ALKBH8: variants seen among roughly 807,000 people sequenced by gnomAD.
ALKBH8 encodes alkB homolog 8, tRNA methyltransferase.
In ALKBH8, 36 loss-of-function variants were observed where a neutral mutation model predicts 59.8. The ratio of observed to expected loss-of-function variants is 0.60; its 90% CI spans 0.46 to 0.79. ALKBH8 has a LOEUF of 0.79. ALKBH8 is among the 30% of genes least tolerant of loss of function. The probability of loss-of-function intolerance (pLI) is 0.00; values close to 1 mark genes in which losing one functional copy is unlikely to be tolerated. For missense variants in ALKBH8, 768 were observed against 801.0 expected, an observed-to-expected ratio of 0.96 and a Z score of 0.50; for synonymous variants, 276 against 273.6, an observed-to-expected ratio of 1.01 and a Z score of -0.09.
intron 7 of ALKBH8, among the ~76,000 whole-genome samples, chr11:107,548,091 G>A (rs1038536553): frequency 6.6e-6 from 1 of 152,160 alleles, no homozygotes; most frequent in African/African-American, 2.4e-5. Context: ...CAACTCTCCT[G>A]AAAACAAGGA....
intron 6 of ALKBH8, among the ~76,000 whole-genome samples, chr11:107,550,824 G>C (rs1476451572): frequency 2.6e-5 from 4 of 152,156 alleles, no homozygotes; most frequent in African/African-American, 4.8e-5. Flanking sequence ...ACAGAGAAAA[G>C]GACATGTGAG....
chr11:107,515,665 T>C (rs1482215136), intron 10 of ALKBH8, among the ~76,000 whole-genome samples: 1 of 152,196 alleles, frequency 6.6e-6, no homozygotes. Context: ...CCTATACTTT[T>C]ATATAATTTT....
At chr11:107,540,104 T>C (rs1863977462) in intron 7 of ALKBH8, among the ~76,000 whole-genome samples, 1 of 152,036 alleles carries the variant, frequency 6.6e-6, no homozygotes, top group African/African-American at 2.4e-5. Flanking sequence ...AGAACATCGT[T>C]TGCCTCTCTG....
chr11:107,520,469 C>T (rs968546343), intron 10 of ALKBH8, among the ~76,000 whole-genome samples: 8 of 152,036 alleles, frequency 5.3e-5, no homozygotes, highest in South Asian at 2.1e-4. Context: ...TATTTGATTT[C>T]GACCTAGTTT....
At chr11:107,536,377 C>G (rs1565333197) in intron 7 of ALKBH8, among the ~76,000 whole-genome samples, 1 of 151,834 alleles carries the variant, frequency 6.6e-6, no homozygotes, top group Non-Finnish European at 1.5e-5. Context: ...CCTGTGTTAG[C>G]CAACTGCTTA....
chr11:107,522,509 T>G lies in ALKBH8; in HGVS notation c.1077A>C (p.Ser359=). The change falls in exon 10 of 12, where the codon TCA becomes TCC. Residue 359 remains serine, a synonymous_variant. Coordinates refer to ENST00000428149, the MANE Select transcript of ALKBH8 (RefSeq NM_138775.3). ...CDSQRKETPP[S]FPESDKEASR... ...AGGCTTCTTTATCACTCTCTGGAAATGAGGGGGGAGTCTCTTTCCTCTGGC... is the reference window on the plus strand; with the variant it reads ...AGGCTTCTTTATCACTCTCTGGAAAGGAGGGGGGAGTCTCTTTCCTCTGGC... 1 of 1,551,610 alleles carries G rather than the reference T, an allele frequency of 6.4e-7. No individual in the cohort carries two copies. The highest frequency in any genetic ancestry group is 8.7e-7 in the Non-Finnish European group (1 of 1,146,938).
intron 11 of ALKBH8, among the ~76,000 whole-genome samples, chr11:107,506,057 GC>G (rs1862371760): frequency 6.6e-6 from 1 of 152,148 alleles, no homozygotes; most frequent in Admixed American, 6.6e-5. Flanking sequence ...AAGTTAAAAT[GC>G]TAAACAAAAA....
intron 2 of ALKBH8, among the ~76,000 whole-genome samples, chr11:107,558,449 G>A (rs1016517770): frequency 1.3e-5 from 2 of 152,164 alleles, no homozygotes; most frequent in African/African-American, 4.8e-5. Context: ...TTGGTTATAT[G>A]TGGCCATAGT....
Position 107,514,963 on chromosome 11 carries a change from T to C in ALKBH8, c.1288-3927A>G, listed in dbSNP as rs748359031. ...TTTCCCTCTCCTTGCCAGGCTCTTA[T>C]AGCTATTTGTACACAGCACTCCTTT... is the stretch of plus-strand genomic sequence containing the variant. On this transcript the variant is annotated intron_variant, in intron 10 of 11. Coordinates refer to ENST00000428149, the MANE Select transcript of ALKBH8 (RefSeq NM_138775.3). Among the ~76,000 whole-genome samples the C allele has an allele frequency of 3.9e-5, 6 of 152,296 alleles. 1 individual carries two copies. In the South Asian group the frequency reaches 6.2e-4, roughly 16 times the overall value.
chr11:107,515,726 A>G (rs895921032), intron 10 of ALKBH8, among the ~76,000 whole-genome samples: 2 of 152,220 alleles, frequency 1.3e-5, no homozygotes, highest in Non-Finnish European at 2.9e-5. Flanking sequence ...ACAAGTAAAC[A>G]TAAAAAAAAT....
At chr11:107,556,642 AG>A in intron 3 of ALKBH8, 123 bp downstream of exon 3, 1 of 578,950 alleles carries the variant, frequency 1.7e-6, no homozygotes, top group Non-Finnish European at 2.7e-6. Flanking sequence ...TGTTTGTTAA[AG>A]TAAAAGGAGC....
chr11:107,508,433 A>G (rs568735174), intron 11 of ALKBH8, among the ~76,000 whole-genome samples: 1 of 152,280 alleles, frequency 6.6e-6, no homozygotes, highest in African/African-American at 2.4e-5. Context: ...TTGTCCTTCC[A>G]AAGCACTGGG....
intron 8 of ALKBH8, among the ~76,000 whole-genome samples, chr11:107,528,190 G>A (rs1863430942): frequency 6.6e-6 from 1 of 151,978 alleles, no homozygotes. Flanking sequence ...TATGTATATT[G>A]CAGGATTTGA....
At chr11:107,551,984 G>A (rs1864518370) in intron 5 of ALKBH8, 72 bp from the exon 6 acceptor site, 1 of 825,796 alleles carries the variant, frequency 1.2e-6, no homozygotes, top group Non-Finnish European at 1.7e-6. Flanking sequence ...AATTTTAAAA[G>A]TCACTGTGAT....
intron 6 of ALKBH8, among the ~76,000 whole-genome samples, chr11:107,551,245 C>CA (rs767069150): frequency 1.3e-5 from 2 of 151,652 alleles, no homozygotes; most frequent in African/African-American, 2.4e-5. Flanking sequence ...GGGAAACAAA[C>CA]AAAAAAAATC....
chr11:107,561,508 A>G (rs951731095), intron 1 of ALKBH8, among the ~76,000 whole-genome samples: 7 of 152,194 alleles, frequency 4.6e-5, no homozygotes, highest in African/African-American at 1.2e-4. Flanking sequence ...CTTCAGTTAC[A>G]TGGTAGGTGT....
intron 10 of ALKBH8, among the ~76,000 whole-genome samples, chr11:107,516,380 G>A (rs1862863266): frequency 6.6e-6 from 1 of 152,178 alleles, no homozygotes; most frequent in South Asian, 2.1e-4. Flanking sequence ...AATAAATGGT[G>A]TTAGGGAAAC....
chr11:107,531,470 T>G (rs1863589999), intron 8 of ALKBH8, among the ~76,000 whole-genome samples: 1 of 152,264 alleles, frequency 6.6e-6, no homozygotes, highest in East Asian at 1.9e-4. Flanking sequence ...TCAATGTTAT[T>G]AAGAGCAAAG....
At position 107,504,585 on chromosome 11, in the gene ALKBH8, G is replaced by T; in HGVS notation, c.*73C>A. ...CACAAGTTTTCTCTTTAATTAAAAG[G>T]GTAATTAATTTATTCTCTCTTTTTT... On this transcript the variant is annotated 3_prime_UTR_variant, in exon 12 of 12. Transcript: ENST00000428149. 6.7e-7 allele frequency: 1 copy of T among 1,489,362 alleles called. No homozygotes were observed. The highest frequency in any genetic ancestry group is 9.1e-7 in the Non-Finnish European group (1 of 1,097,238). 92.3% of individuals were successfully genotyped at this position (1,489,362 alleles called of 1,614,324 possible). A position where few individuals can be genotyped will look rare whatever the true frequency, so the allele number is the denominator to read the frequency against.
Sources: gnomAD v4.1 joint callset for allele counts (sites outside exome capture counted in the v4.1 genomes callset) on GRCh38, gnomAD v4.1.1 for gene constraint, MANE v1.5 for transcripts, NCBI Gene and HGNC (gene_info 2026-07-23, HGNC 2026-07-21) for gene names.